Variants in SYTL2 observed in about 807,000 individuals in gnomAD.
SYTL2 encodes the protein synaptotagmin-like protein 2.
SYTL2 carries 165 observed loss-of-function variants against 198.7 expected under a neutral mutation model. That is an observed-to-expected ratio of 0.83 (90% confidence interval 0.73 to 0.94). The LOEUF is 0.94. SYTL2 is among the 40% of genes least tolerant of loss of function. The pLI, the probability that SYTL2 is intolerant of heterozygous loss-of-function variation, is 0.00. For missense variants in SYTL2, 2,835 were observed against 2,582.8 expected (o/e 1.10, Z -2.12); for synonymous variants, 966 against 917.7 (o/e 1.05, Z -0.95).
At chr11:85,719,129 G>T (rs1289232757) in intron 9 of SYTL2, 1 of 1,444,572 alleles carries the variant, frequency 6.9e-7, no homozygotes, top group Non-Finnish European at 9.2e-7. Context: ...CCAGCAGCAG[G>T]AGAAAGCACG....
At chr11:85,744,062 C>T (rs2090987413) in intron 4 of SYTL2, among the ~76,000 whole-genome samples, 1 of 152,062 alleles carries the variant, frequency 6.6e-6, no homozygotes, top group South Asian at 2.1e-4. Flanking sequence ...GAAGGAAGGC[C>T]TTCATTCCAT....
rs2092449079 is a variant in SYTL2 at position 85,776,228 on chromosome 11, C to T, written c.-389-18114G>A. ...CCAGATATAGATGCCCAATCTTGAA[C>T]TTCCCAGCCATCAGAATCATGAGCC... On this transcript the variant is annotated intron_variant, in intron 1 of 19. Transcript: ENST00000359152. Among the ~76,000 whole-genome samples, 3 of 152,188 alleles carry T rather than the reference C, an allele frequency of 2.0e-5. No homozygotes were observed. In the South Asian group the frequency reaches 6.2e-4, roughly 32 times the overall value.
rs759030101 is a variant in SYTL2 at position 85,725,079 on chromosome 11, C to T, written c.4279G>A (p.Val1427Ile). ...ISPWATMDTIVPDRKDFYSSN... is the reference protein window; with the variant it reads ...ISPWATMDTIIPDRKDFYSSN... ...GAATAAAAATCCTTCCTGTCTGGAACTATGGTGTCCATCGTAGCCCATGGT... is the reference window on the plus strand; with the variant it reads ...GAATAAAAATCCTTCCTGTCTGGAATTATGGTGTCCATCGTAGCCCATGGT... Residue 1427 changes from valine to isoleucine, a missense_variant, in exon 8 of 20, where the codon GTT becomes ATT. Coordinates refer to ENST00000359152, the MANE Select transcript of SYTL2 (RefSeq NM_206927.4). 22 of 1,614,058 alleles carry T rather than the reference C, an allele frequency of 1.4e-5. 1 individual carries two copies. The highest frequency in any genetic ancestry group is 1.6e-4 in the Middle Eastern group (1 of 6,084).
At chr11:85,711,371 G>T in intron 12 of SYTL2, 139 bp from the exon 13 acceptor site, 1 of 879,252 alleles carries the variant, frequency 1.1e-6, no homozygotes, top group Non-Finnish European at 1.7e-6. Flanking sequence ...TAATTGCCAG[G>T]GTATGGGATT....
chr11:85,750,787 GA>G (rs35071202), intron 2 of SYTL2, among the ~76,000 whole-genome samples: 112,816 of 151,924 alleles, frequency 0.74, 42,309 homozygotes, highest in African/African-American at 0.84. Context: ...CCATCACAAT[GA>G]ATGGTGTCTC....
At chr11:85,701,558 G>C (rs988994183) in intron 16 of SYTL2, among the ~76,000 whole-genome samples, 1 of 152,186 alleles carries the variant, frequency 6.6e-6, no homozygotes, top group South Asian at 2.1e-4. Context: ...TATCAGAAAC[G>C]TAATGGTAGC....
intron 8 of SYTL2, among the ~76,000 whole-genome samples, chr11:85,723,036 G>A (rs1019165445): frequency 6.6e-6 from 1 of 152,162 alleles, no homozygotes; most frequent in Admixed American, 6.5e-5. Context: ...CATCAGTTGT[G>A]CAACTTTGGT....
rs1488424378 is a variant in SYTL2, at chr11:85,726,087, C to A, written c.3271G>T (p.Val1091Leu). ...ACAATCCCTTCCGTATTCTTTTCCA[C>A]ATTTTCCTTTGATGACTCATTTCCT... ...LPGNESSKEN[V>L]EKNTEGIVTP... The change falls in exon 8 of 20, where the codon GTG (valine) becomes TTG (leucine). Residue 1091 changes from valine to leucine, a missense_variant. By Grantham distance (32) the Val-to-Leu change is conservative. This residue lies in a region of SYTL2 where 2,645 missense variants were observed against 2,381.7 expected (regional missense o/e 1.11). Transcript: ENST00000359152. 6.2e-7 allele frequency: 1 copy of A among 1,613,560 alleles called. No homozygotes were observed. The highest frequency in any genetic ancestry group is 1.3e-5 in the African/African-American group (1 of 74,920).
intron 1 of SYTL2, among the ~76,000 whole-genome samples, chr11:85,798,626 C>T (rs1336087759): frequency 6.6e-6 from 1 of 152,152 alleles, no homozygotes; most frequent in Non-Finnish European, 1.5e-5. Flanking sequence ...AGATACAAAG[C>T]AAACTCAACA....
intron 10 of SYTL2, among the ~76,000 whole-genome samples, chr11:85,717,977 AAGAC>A (rs2087631920): frequency 1.3e-5 from 2 of 152,314 alleles, no homozygotes; most frequent in African/African-American, 4.8e-5. Flanking sequence ...TAAAATAAGA[AAGAC>A]AGAACGATTA....
intron 1 of SYTL2, among the ~76,000 whole-genome samples, chr11:85,786,968 C>G (rs1184137084): frequency 6.6e-6 from 1 of 152,140 alleles, no homozygotes; most frequent in African/African-American, 2.4e-5. Context: ...AATGGATAAG[C>G]AAATGAATGG....
chr11:85,835,375 T>G, the SYTL2 span, among the ~76,000 whole-genome samples: 1 of 151,402 alleles, frequency 6.6e-6, no homozygotes, highest in South Asian at 2.1e-4. Flanking sequence ...CCTCCCAATT[T>G]TTGGTTAAAT....
At chr11:85,757,052 A>C (rs1036745247) in intron 2 of SYTL2, among the ~76,000 whole-genome samples, 2 of 152,232 alleles carry the variant, frequency 1.3e-5, no homozygotes, top group Non-Finnish European at 2.9e-5. Context: ...GAATGTTGAC[A>C]TGGAACATTT....
rs930574202 is a variant in SYTL2 at position 85,709,344 on chromosome 11, GT to G, written c.5901del (p.Lys1967AsnfsTer8). 3 of 1,613,938 alleles carry G rather than the reference GT, an allele frequency of 1.9e-6. No individual in the cohort carries two copies. Among genetic ancestry groups the G allele is most frequent in the South Asian group, 1.1e-5 (1 of 91,082 alleles). ...CKDLAAADVK[K>X]QRSDPYVKAY... Reference sequence around the variant, plus strand: ...AAATGTACTTACGGGTCTGAACGCTGTTTTTTTACATCCGCTGCTGCTAAGT... The same window carrying G: ...AAATGTACTTACGGGTCTGAACGCTGTTTTTTACATCCGCTGCTGCTAAGT... On this transcript the variant is annotated frameshift_variant, in exon 14 of 20. Transcript: ENST00000359152. LOFTEE classifies it high-confidence loss of function.
intron 2 of SYTL2, among the ~76,000 whole-genome samples, chr11:85,751,328 C>G (rs1206893034): frequency 1.3e-5 from 2 of 152,116 alleles, no homozygotes; most frequent in Non-Finnish European, 2.9e-5. Context: ...TTTTTAGAAT[C>G]CCACTATCTA....
chr11:85,802,110 G>T (rs1371346321), intron 1 of SYTL2, among the ~76,000 whole-genome samples: 1 of 151,610 alleles, frequency 6.6e-6, no homozygotes, highest in Non-Finnish European at 1.5e-5. Context: ...CACCGTGCCT[G>T]GCCTCCCCAT....
chr11:85,704,372 C>T (rs773275681), intron 16 of SYTL2, among the ~76,000 whole-genome samples: 18 of 151,898 alleles, frequency 1.2e-4, no homozygotes, highest in Non-Finnish European at 2.5e-4. Flanking sequence ...AAGACAATCT[C>T]AAATATAGTG....
chr11:85,712,271 T>C (rs2086436008), intron 12 of SYTL2, among the ~76,000 whole-genome samples: 1 of 152,202 alleles, frequency 6.6e-6, no homozygotes, highest in Admixed American at 6.5e-5. Context: ...AAAATTCATA[T>C]CTTTTAAATG....
intron 14 of SYTL2, among the ~76,000 whole-genome samples, chr11:85,708,837 ATTTTTTTTTTT>A (rs72460497): frequency 7.3e-4 from 52 of 71,598 alleles, no homozygotes; most frequent in Admixed American, 1.8e-3. Context: ...CTTCTCTGTG[ATTTTTTTTTTT>A]TTTTTTTTTT....
Sources: allele counts gnomAD v4.1 joint callset (sites outside exome capture counted in the v4.1 genomes callset), GRCh38; gene constraint gnomAD v4.1.1; regional missense constraint gnomAD v4.1.1; transcripts MANE v1.5; gene names NCBI Gene and HGNC (gene_info 2026-07-23, HGNC 2026-07-21).